UBR4: variants seen among roughly 807,000 people sequenced by gnomAD.
UBR4 encodes the protein ubiquitin protein ligase E3 component n-recognin 4.
UBR4 carries 124 observed loss-of-function variants against 575.6 expected under a neutral mutation model. The ratio of observed to expected loss-of-function variants is 0.22; its 90% CI spans 0.19 to 0.25. The LOEUF is 0.25. UBR4 is among the 10% of genes least tolerant of loss of function. The probability of loss-of-function intolerance (pLI) is 1.00; values close to 1 mark genes in which losing one functional copy is unlikely to be tolerated. For missense variants in UBR4, 4,818 were observed against 6,478.8 expected (o/e 0.74, Z 8.80); for synonymous variants, 2,455 against 2,473.7 (o/e 0.99, Z 0.22).
In UBR4 at chr1:19,166,899, A is replaced by AT. The variant is rs200407694; in HGVS notation, c.4109+122dup. The AT allele has an allele frequency of 6.8e-4, 689 of 1,014,602 alleles. 1 individual carries two copies. The highest frequency in any genetic ancestry group is 8.0e-4 in the Non-Finnish European group (570 of 712,956). The allele number at this position is 1,014,602 out of a possible 1,614,324, so 62.8% of individuals were successfully genotyped here. ...CGACAGAGCGAGACCATGTCTCAGA[A>AT]TAAAAAAAAAACCACACACAAAAAC... is the stretch of plus-strand genomic sequence containing the variant. On this transcript the variant is annotated intron_variant, in intron 29 of 105. Transcript: ENST00000375254.
intron 1 of UBR4, among the ~76,000 whole-genome samples, chr1:19,208,641 A>C (rs1470108419): frequency 6.6e-6 from 1 of 152,158 alleles, no homozygotes; most frequent in Non-Finnish European, 1.5e-5. Flanking sequence ...TACCACATAC[A>C]TGGCAAAATT....
intron 60 of UBR4, among the ~76,000 whole-genome samples, chr1:19,135,424 CA>C (rs2149821083): frequency 6.6e-6 from 1 of 152,296 alleles, no homozygotes; most frequent in Non-Finnish European, 1.5e-5. Flanking sequence ...AATTTTAACA[CA>C]TAACTCCAGC....
chr1:19,151,357 C>T (rs1036946594), intron 48 of UBR4: 17 of 501,236 alleles, frequency 3.4e-5, no homozygotes, highest in South Asian at 1.7e-4. Flanking sequence ...TGCCTCCTCT[C>T]GGCCTAAACA....
At chr1:19,170,979 G>T in intron 25 of UBR4, 96 bp from the exon 26 acceptor site, 1 of 1,544,334 alleles carries the variant, frequency 6.5e-7, no homozygotes, top group Admixed American at 1.8e-5. Context: ...CTATATCTCA[G>T]TTTCCTATCT....
intron 103 of UBR4, chr1:19,079,861 A>C (rs1202139744): frequency 2.0e-5 from 3 of 152,240 alleles, no homozygotes; most frequent in Non-Finnish European, 4.4e-5. Context: ...ACCCTGCCCA[A>C]CTTAATTATT....
intron 102 of UBR4, 93 bp from the exon 103 acceptor site, chr1:19,081,666 T>C (rs746504008): frequency 5.0e-6 from 7 of 1,392,924 alleles, no homozygotes; most frequent in African/African-American, 2.8e-5. Flanking sequence ...GTCGTTGTCT[T>C]GTGACATTTG....
At chr1:19,193,127 G>A (rs528721007) in intron 9 of UBR4, among the ~76,000 whole-genome samples, 56 of 152,148 alleles carry the variant, frequency 3.7e-4, no homozygotes, top group African/African-American at 1.1e-3. Flanking sequence ...AATCACTATC[G>A]GAAATTTTCC....
At chr1:19,171,006 A>G in intron 25 of UBR4, 123 bp from the exon 26 acceptor site, 2 of 1,337,498 alleles carry the variant, frequency 1.5e-6, no homozygotes, top group South Asian at 2.8e-5. Context: ...TGTAGTTGAT[A>G]GTGCCTGCCC....
intron 37 of UBR4, 21 bp from the exon 38 acceptor site, chr1:19,161,168 A>G (rs1483327897): frequency 1.2e-6 from 2 of 1,607,436 alleles, no homozygotes; most frequent in Admixed American, 3.4e-5. Flanking sequence ...AAAATGTCAG[A>G]GTCCCTAAGT....
At chr1:19,159,585 G>A (rs569009601) in intron 39 of UBR4, among the ~76,000 whole-genome samples, 1 of 150,892 alleles carries the variant, frequency 6.6e-6, no homozygotes, top group African/African-American at 2.4e-5. Context: ...AATGACCCTG[G>A]ATTCCCCAGC....
At chr1:19,198,975 T>C in intron 3 of UBR4, 47 bp from the exon 4 acceptor site, 3 of 1,591,168 alleles carry the variant, frequency 1.9e-6, no homozygotes, top group Non-Finnish European at 2.6e-6. Flanking sequence ...AACAAATAGA[T>C]CTTTCAGAAA....
Position 19,141,009 on chromosome 1 carries a change from C to T in UBR4, c.8489-117G>A, listed in dbSNP as rs77592329. 4.0e-3 allele frequency: 4,486 copies of T among 1,115,850 alleles called. 146 individuals are homozygous for T. In the African/African-American group the frequency reaches 0.063, roughly 16 times the overall value. The allele number at this position is 1,115,850 out of a possible 1,614,324, so 69.1% of individuals were successfully genotyped here. On this transcript the variant is annotated intron_variant, in intron 57 of 105. Coordinates refer to ENST00000375254, the MANE Select transcript of UBR4 (RefSeq NM_020765.3). ...ACACCAGCATGTGACCCCCTCTGGC[C>T]TAGAGGAAGTTAGCTAGCAGCCACT... is the stretch of plus-strand genomic sequence containing the variant.
At chr1:19,183,548 C>G (rs2091226124) in intron 17 of UBR4, among the ~76,000 whole-genome samples, 1 of 152,132 alleles carries the variant, frequency 6.6e-6, no homozygotes, top group Non-Finnish European at 1.5e-5. Context: ...AAGGTGAAAC[C>G]CTGTCTCTAC....
In UBR4 at chr1:19,195,969, T is replaced by TACACACACAC. The variant is rs55820713; in HGVS notation, c.1018+1162_1018+1171dup. Among the ~76,000 whole-genome samples the TACACACACAC allele has an allele frequency of 2.5e-3, 333 of 134,122 alleles. 2 individuals carry two copies. The highest frequency in any genetic ancestry group is 7.3e-3 in the African/African-American group (255 of 34,752). 88.0% of individuals were successfully genotyped at this position (134,122 alleles called of 152,430 possible). On this transcript the variant is annotated intron_variant, in intron 8 of 105. Transcript: ENST00000375254. The stretch of plus-strand genomic sequence containing the variant: ...GCCATAAAACCTACAGACTTACTTA[T>TACACACACAC]ACACACACACACACACACACACACA...
rs187091891 is a variant in UBR4 at position 19,140,959 on chromosome 1, A to G, written c.8489-67T>C. 2.0e-4 allele frequency: 300 copies of G among 1,471,676 alleles called. No homozygotes were observed. The African/African-American group carries it at 3.8e-3, about 19-fold the overall frequency. 91.2% of individuals were successfully genotyped at this position (1,471,676 alleles called of 1,614,324 possible). On this transcript the variant is annotated intron_variant, in intron 57 of 105. Transcript: ENST00000375254. The stretch of plus-strand genomic sequence containing the variant: ...TCCCATCCACAGCGCTGCTTTGGCC[A>G]CCTGCTGCCCTCAAGAGTCTCCAAA...
chr1:19,193,294 T>A, intron 9 of UBR4, 139 bp downstream of exon 9: 1 of 1,202,058 alleles, frequency 8.3e-7, no homozygotes, highest in Non-Finnish European at 1.2e-6. Context: ...GATGCCTACC[T>A]CTTAGACCTA....
intron 55 of UBR4, among the ~76,000 whole-genome samples, chr1:19,141,989 G>C (rs944726250): frequency 6.6e-6 from 1 of 152,136 alleles, no homozygotes; most frequent in Non-Finnish European, 1.5e-5. Flanking sequence ...GCGACAGCTT[G>C]CCCCCCACAA....
intron 2 of UBR4, among the ~76,000 whole-genome samples, chr1:19,200,680 T>G (rs888962220): frequency 1.3e-5 from 2 of 152,102 alleles, no homozygotes; most frequent in Admixed American, 6.5e-5. Flanking sequence ...ATAAAATGAC[T>G]TCCTTACATA....
Position 19,100,207 on chromosome 1 carries a change from C to G in UBR4, c.13221+169G>C, listed in dbSNP as rs1007741851. 1.5e-6 allele frequency: 1 copy of G among 673,626 alleles called. No individual in the cohort carries two copies. The highest frequency in any genetic ancestry group is 2.5e-6 in the Non-Finnish European group (1 of 392,932). The allele number at this position is 673,626 out of a possible 1,614,324, so 41.7% of individuals were successfully genotyped here. Reference sequence around the variant, plus strand: ...CCTTTACAGGTTATTAACCTTAGCACTAGGTGAGGTAGAAAGGTGGGAATC... The same window carrying G: ...CCTTTACAGGTTATTAACCTTAGCAGTAGGTGAGGTAGAAAGGTGGGAATC... On this transcript the variant is annotated intron_variant, in intron 89 of 105. Transcript: ENST00000375254. This position sits in a 1 kb window ranked among gnomAD's most constrained non-coding sequence, Gnocchi z 4.2.
Sources: allele counts gnomAD v4.1 joint callset (sites outside exome capture counted in the v4.1 genomes callset), GRCh38; gene constraint gnomAD v4.1.1; non-coding constraint Gnocchi (gnomAD v3.1); transcripts MANE v1.5; gene names NCBI Gene and HGNC (gene_info 2026-07-23, HGNC 2026-07-21).